NUDT3: variants seen among roughly 807,000 people sequenced by gnomAD.
The protein encoded by NUDT3 is nudix hydrolase 3, also known as diphosphoinositol polyphosphate phosphohydrolase 1.
In NUDT3, 9 loss-of-function variants were observed where a neutral mutation model predicts 23.6. The ratio of observed to expected loss-of-function variants is 0.38; its 90% confidence interval spans 0.23 to 0.66. The LOEUF is 0.66. Among genes scored for constraint, NUDT3 ranks in the 30% least tolerant of loss-of-function variants. NUDT3 has a pLI of 0.52. For missense variants in NUDT3, 172 were observed against 218.5 expected, an observed-to-expected ratio of 0.79 and a Z score of 1.34; for synonymous variants, 86 against 82.6, an observed-to-expected ratio of 1.04 and a Z score of -0.22.
Position 34,282,910 on chromosome 6 carries a change from C to A in NUDT3, c.*5843G>T, listed in dbSNP as rs1212302806. On this transcript the variant is annotated 3_prime_UTR_variant, in exon 5 of 5. Transcript: ENST00000607016. ...GCTGGAGGAACAGAAGCAATGACTT[C>A]TTTCCACCTTCTAGATAGTAATCTT... 6.6e-6 allele frequency: 1 copy of A among 152,212 alleles called. No individual in the cohort carries two copies. Among genetic ancestry groups the A allele is most frequent in the East Asian group, 1.9e-4 (1 of 5,202 alleles). 9.4% of individuals were successfully genotyped at this position (152,212 alleles called of 1,614,324 possible).
In NUDT3 at chr6:34,329,838, C is replaced by T. The variant is rs181674148; in HGVS notation, c.210+12024G>A. ...TGGCAGGCCCTGGTGTGTGATGTTCCGCACCCTGTGTCCAAGTGTTCTCAT... is the reference window on the plus strand; with the variant it reads ...TGGCAGGCCCTGGTGTGTGATGTTCTGCACCCTGTGTCCAAGTGTTCTCAT... On this transcript the variant is annotated intron_variant, in intron 2 of 4. Coordinates refer to ENST00000607016, the MANE Select transcript of NUDT3 (RefSeq NM_006703.4). 5.9e-5 allele frequency among the ~76,000 whole-genome samples: 9 copies of T among 152,154 alleles called. No homozygotes were observed. The East Asian group carries it at 1.5e-3, about 26-fold the overall frequency.
At position 34,392,376 on chromosome 6, in the gene NUDT3, G is replaced by A. The variant is rs1765220724; in HGVS notation, c.-14C>T. ...GAGCTTCATCATCCTCCGGGCCCGG[G>A]TGGGGGTGCGGTGCGGGTCGCAGGA... On this transcript the variant is annotated 5_prime_UTR_variant, in exon 1 of 5. Transcript: ENST00000607016. 3 of 1,593,706 alleles carry A rather than the reference G, an allele frequency of 1.9e-6. No individual in the cohort carries two copies. Among genetic ancestry groups the A allele is most frequent in the Non-Finnish European group, 2.6e-6 (3 of 1,171,990 alleles).
chr6:34,371,623 G>A (rs546698415), intron 1 of NUDT3, among the ~76,000 whole-genome samples: 1 of 152,232 alleles, frequency 6.6e-6, no homozygotes, highest in South Asian at 2.1e-4. Flanking sequence ...AGTTTATGTG[G>A]TTCACTGATT....
chr6:34,306,500 T>C (rs773622562), intron 2 of NUDT3, among the ~76,000 whole-genome samples: 5 of 152,250 alleles, frequency 3.3e-5, no homozygotes, highest in Non-Finnish European at 5.9e-5. Context: ...AAGTAAGCTG[T>C]GGATATATTT....
chr6:34,342,200 ATGCTCAATCACC>A (rs1764297914), intron 1 of NUDT3, among the ~76,000 whole-genome samples: 4 of 149,856 alleles, frequency 2.7e-5, no homozygotes, highest in Non-Finnish European at 5.9e-5. Context: ...CTCCCCTCAG[ATGCTCAATCACC>A]TGCTCTATTT....
chr6:34,329,792 C>CT (rs1459474140), intron 2 of NUDT3, among the ~76,000 whole-genome samples: 3 of 152,064 alleles, frequency 2.0e-5, no homozygotes, highest in African/African-American at 7.2e-5. Context: ...CTAATGCTAT[C>CT]CCTCCCCCAA....
At position 34,304,398 on chromosome 6, in the gene NUDT3, C is replaced by T. The variant is rs192452731; in HGVS notation, c.211-8713G>A. 4.2e-3 allele frequency among the ~76,000 whole-genome samples: 622 copies of T among 149,106 alleles called. 7 individuals are homozygous for T. The highest frequency in any genetic ancestry group is 0.014 in the African/African-American group (548 of 40,340). Reference sequence around the variant, plus strand: ...TGGGCAACATAGTGAGACCCCATATCGAAAGAAGGAAAGGAAAGGAAAGGA... The same window carrying T: ...TGGGCAACATAGTGAGACCCCATATTGAAAGAAGGAAAGGAAAGGAAAGGA... On this transcript the variant is annotated intron_variant, in intron 2 of 4. Coordinates refer to ENST00000607016, the MANE Select transcript of NUDT3 (RefSeq NM_006703.4).
At chr6:34,340,525 G>C (rs539717631) in intron 2 of NUDT3, among the ~76,000 whole-genome samples, 1 of 152,226 alleles carries the variant, frequency 6.6e-6, no homozygotes, top group African/African-American at 2.4e-5. Flanking sequence ...CAGAAACCAG[G>C]ATTCCCACGT....
At chr6:34,389,218 G>C (rs901067477) in intron 1 of NUDT3, among the ~76,000 whole-genome samples, 1 of 152,088 alleles carries the variant, frequency 6.6e-6, no homozygotes, top group Admixed American at 6.5e-5. Context: ...CTGGATCATG[G>C]GGAGTTTCCC....
rs182171231 is a variant in NUDT3, at chr6:34,298,111, C to T, written c.211-2426G>A. ...GCACGGTGGCTCAAGCCTGTAATCC[C>T]AGCACTTTGGGAGGCCGAGGTAGGT... is the stretch of plus-strand genomic sequence containing the variant. On this transcript the variant is annotated intron_variant, in intron 2 of 4. Transcript: ENST00000607016. 1.3e-3 allele frequency among the ~76,000 whole-genome samples: 197 copies of T among 152,108 alleles called. 1 individual carries two copies. In the East Asian group the frequency reaches 0.013, roughly 10 times the overall value.
At chr6:34,366,075 T>C (rs1013221983) in intron 1 of NUDT3, among the ~76,000 whole-genome samples, 1 of 150,444 alleles carries the variant, frequency 6.6e-6, no homozygotes, top group Admixed American at 6.6e-5. Flanking sequence ...TAATATTTTT[T>C]AAAAAGTAAG....
chr6:34,299,975 C>A (rs1428610267), intron 2 of NUDT3, among the ~76,000 whole-genome samples: 3 of 151,802 alleles, frequency 2.0e-5, no homozygotes, highest in African/African-American at 7.3e-5. Flanking sequence ...TCTTGATATC[C>A]TGGTCTCAAG....
chr6:34,350,014 G>T (rs1371779986), intron 1 of NUDT3, among the ~76,000 whole-genome samples: 7 of 150,210 alleles, frequency 4.7e-5, no homozygotes, highest in Non-Finnish European at 1.5e-5. Context: ...GCGTGAATCC[G>T]GGGGGTGGAG....
intron 2 of NUDT3, among the ~76,000 whole-genome samples, chr6:34,310,095 T>C (rs1456970142): frequency 6.6e-6 from 1 of 152,046 alleles, no homozygotes; most frequent in Non-Finnish European, 1.5e-5. Flanking sequence ...GAGCTGAGCA[T>C]AGTGGTCTGT....
At chr6:34,364,562 C>T (rs919725582) in intron 1 of NUDT3, among the ~76,000 whole-genome samples, 2 of 152,154 alleles carry the variant, frequency 1.3e-5, no homozygotes, top group African/African-American at 2.4e-5. Context: ...GGAAGTCATA[C>T]ATAAATCCTC....
intron 2 of NUDT3, among the ~76,000 whole-genome samples, chr6:34,299,166 C>G (rs536361864): frequency 6.6e-6 from 1 of 152,242 alleles, no homozygotes; most frequent in Admixed American, 6.5e-5. Context: ...TGTGTCAGGG[C>G]CACATCTGAC....
At chr6:34,324,681 T>A (rs1417435857) in intron 2 of NUDT3, among the ~76,000 whole-genome samples, 1 of 152,270 alleles carries the variant, frequency 6.6e-6, no homozygotes, top group Non-Finnish European at 1.5e-5. Context: ...AATAACATTA[T>A]GAATACCACT....
In NUDT3 at chr6:34,392,583, G is replaced by T. The variant is rs1004181338; in HGVS notation, c.-221C>A. The T allele has an allele frequency of 1.2e-5, 4 of 332,226 alleles. No individual in the cohort carries two copies. In the Admixed American group the frequency reaches 1.5e-4, roughly 13 times the overall value. The allele number at this position is 332,226 out of a possible 1,614,324, so 20.6% of individuals were successfully genotyped here. On this transcript the variant is annotated 5_prime_UTR_variant, in exon 1 of 5. Transcript: ENST00000607016. ...TGCCACCGTCACGGCTGCCGTCTCC[G>T]CTGCCGCCAGGGCCGCCGCCCCCTC...
intron 2 of NUDT3, among the ~76,000 whole-genome samples, chr6:34,307,377 G>A (rs530507878): frequency 2.6e-5 from 4 of 152,138 alleles, no homozygotes; most frequent in Admixed American, 6.5e-5. Context: ...CCAGGAGTTC[G>A]AGACCAGCCT....
Sources: gnomAD v4.1 joint callset for allele counts (sites outside exome capture counted in the v4.1 genomes callset) on GRCh38, gnomAD v4.1.1 for gene constraint, MANE v1.5 for transcripts, NCBI Gene and HGNC (gene_info 2026-07-23, HGNC 2026-07-21) for gene names.